The following E2F8 variants were observed in gnomAD, a reference collection of about 807,000 sequenced individuals.
The protein encoded by E2F8 is transcription factor E2F8.
E2F8 carries 35 observed loss-of-function variants against 80.8 expected under a neutral mutation model. That is an observed-to-expected ratio of 0.43 (90% confidence interval 0.33 to 0.57). E2F8 has a LOEUF of 0.57. E2F8 is among the 20% of genes least tolerant of loss of function. E2F8 has a pLI of 0.04. For missense variants in E2F8, 975 were observed against 1,056.2 expected (o/e 0.92, Z 1.07); for synonymous variants, 386 against 395.0 (o/e 0.98, Z 0.27).
Position 19,225,839 on chromosome 11 carries a change from A to G in E2F8, c.1919T>C (p.Ile640Thr). Residue 640 changes from isoleucine (I) to threonine (T), a missense_variant, in exon 11 of 13, where the codon ATC becomes ACC. Physicochemically the swap from Ile to Thr is moderately conservative, Grantham distance 89 (BLOSUM62 -1). Coordinates refer to ENST00000250024, the MANE Select transcript of E2F8 (RefSeq NM_024680.4). The stretch of plus-strand genomic sequence containing the variant: ...CAGGGATGAGCACTGCGTGAGAGGG[A>G]TTAGGTATCCTGATGGGAACAAGGT... ...SATLFPSGYL[I>T]PLTQCSSLGA... is the part of the protein sequence containing the mutation. 6.2e-7 allele frequency: 1 copy of G among 1,614,180 alleles called. No homozygotes were observed.
At chr11:19,230,076 C>T (rs1178180127) in intron 9 of E2F8, 88 bp from the exon 10 acceptor site, 3 of 1,554,270 alleles carry the variant, frequency 1.9e-6, no homozygotes, top group Non-Finnish European at 2.6e-6. Flanking sequence ...TGAAGCCACG[C>T]TTTTATGGAA....
chr11:19,241,320 GGCC>G (rs537182589), upstream of E2F8: 3,390 of 155,848 alleles, frequency 0.022, 106 homozygotes, highest in African/African-American at 0.074. This position sits in a 1 kb window ranked among gnomAD's most constrained non-coding sequence, Gnocchi z 4.5. Context: ...GGCGGGAAAC[GGCC>G]GCCGCCGCCG....
chr11:19,229,596 G>T lies in E2F8; in HGVS notation c.1751C>A (p.Pro584Gln), dbSNP rs1365291168. The stretch of plus-strand genomic sequence containing the variant: ...CTTTGCCCCTTGCCTCTCTGGTGCT[G>T]GCAGCAAGCTTCCAGGCCTGGTAGA... ...SASTRPGSLLPAPERQGAKSR... is the reference protein window; with the variant it reads ...SASTRPGSLLQAPERQGAKSR... The change falls in exon 10 of 13, where the codon CCA becomes CAA. Residue 584 changes from proline (P) to glutamine (Q), a missense_variant. Transcript: ENST00000250024. The surrounding 1 kb of genome is among the most constrained non-coding windows in gnomAD (Gnocchi z 4.3). 1 of 1,614,178 alleles carries T rather than the reference G, an allele frequency of 6.2e-7. No individual in the cohort carries two copies. Among genetic ancestry groups the T allele is most frequent in the East Asian group, 2.2e-5 (1 of 44,884 alleles).
intron 9 of E2F8, 33 bp from the exon 10 acceptor site, chr11:19,230,021 G>T: frequency 6.2e-7 from 1 of 1,609,562 alleles, no homozygotes; most frequent in South Asian, 1.1e-5. Context: ...CGACATGATG[G>T]ATATACATTT....
intron 10 of E2F8, among the ~76,000 whole-genome samples, chr11:19,227,022 T>A (rs1851253488): frequency 6.6e-6 from 1 of 152,188 alleles, no homozygotes; most frequent in East Asian, 1.9e-4. Flanking sequence ...CAGAAAAAGT[T>A]TACACGGGTG....
intron 10 of E2F8, among the ~76,000 whole-genome samples, chr11:19,227,635 C>T (rs903576451): frequency 6.6e-6 from 1 of 152,204 alleles, no homozygotes; most frequent in African/African-American, 2.4e-5. Flanking sequence ...ATCATGTCAT[C>T]TTCATTCCTA....
chr11:19,239,105 C>T (rs761410053), intron 2 of E2F8, among the ~76,000 whole-genome samples: 1 of 152,178 alleles, frequency 6.6e-6, no homozygotes, highest in South Asian at 2.1e-4. Flanking sequence ...AATAGGCAGA[C>T]CAAATAACTT....
chr11:19,230,285 A>G lies in E2F8; in HGVS notation c.1314T>C (p.Ala438=), dbSNP rs1467355214. The change falls in exon 9 of 13, where the codon GCT becomes GCC. Residue 438 remains alanine (A), a synonymous_variant. Coordinates refer to ENST00000250024, the MANE Select transcript of E2F8 (RefSeq NM_024680.4). The part of the protein sequence containing the change: ...QNSAPFPSKM[A]QLAAICKMQL... Reference sequence around the variant, plus strand: ...GCATTTTACAAATAGCTGCGAGCTGAGCCATTTTACTTGGGAAGGGTGCAG... The same window carrying G: ...GCATTTTACAAATAGCTGCGAGCTGGGCCATTTTACTTGGGAAGGGTGCAG... 6.2e-7 allele frequency: 1 copy of G among 1,613,988 alleles called. No homozygotes were observed. Among genetic ancestry groups the G allele is most frequent in the East Asian group, 2.2e-5 (1 of 44,898 alleles).
intron 9 of E2F8, 79 bp from the exon 10 acceptor site, chr11:19,230,067 G>A: frequency 3.2e-6 from 5 of 1,566,806 alleles, no homozygotes; most frequent in Non-Finnish European, 4.3e-6. Flanking sequence ...GCCTCATATT[G>A]AAGCCACGCT....
In E2F8 at chr11:19,229,489, T is replaced by TAAA; in HGVS notation, c.1855_1857dup (p.Phe619dup). 1 of 1,614,102 alleles carries TAAA rather than the reference T, an allele frequency of 6.2e-7. No homozygotes were observed. ...TTTTCAAGTCCTTTTAGGTCCTCTTTAAATTTCTTTTTGGAACCACTGTCC... is the reference window on the plus strand; with the variant it reads ...TTTTCAAGTCCTTTTAGGTCCTCTTTAAAAAATTTCTTTTTGGAACCACTGTCC... On this transcript the variant is annotated inframe_insertion, in exon 10 of 13. Coordinates refer to ENST00000250024, the MANE Select transcript of E2F8 (RefSeq NM_024680.4). The surrounding 1 kb of genome is among the most constrained non-coding windows in gnomAD (Gnocchi z 4.3).
rs147228502 is a variant in E2F8, at chr11:19,229,656, T to G, written c.1691A>C (p.Glu564Ala). Reference sequence around the variant, plus strand: ...CTTTGAGGTATCATTGGCTGCCTTCTCAGTGGTGGCATCTGTGGAGTCTTT... The same window carrying G: ...CTTTGAGGTATCATTGGCTGCCTTCGCAGTGGTGGCATCTGTGGAGTCTTT... ...GSKDSTDATT[E>A]KAANDTSKAS... Residue 564 changes from glutamate to alanine, a missense_variant, in exon 10 of 13, where the codon GAG becomes GCG. By Grantham distance (107) the Glu-to-Ala change is moderately radical (BLOSUM62 -1). Transcript: ENST00000250024. The surrounding 1 kb of genome is among the most constrained non-coding windows in gnomAD (Gnocchi z 4.3). 67 of 1,614,092 alleles carry G rather than the reference T, an allele frequency of 4.2e-5. No homozygotes were observed. The highest frequency in any genetic ancestry group is 5.3e-5 in the Non-Finnish European group (62 of 1,180,056).
Position 19,234,133 on chromosome 11 carries a change from C to G in E2F8, c.928+227G>C, listed in dbSNP as rs193204817. Among the ~76,000 whole-genome samples, 305 of 123,428 alleles carry G rather than the reference C, an allele frequency of 2.5e-3. 1 individual carries two copies. The highest frequency in any genetic ancestry group is 9.4e-3 in the African/African-American group (291 of 30,832). The allele number at this position is 123,428 out of a possible 152,430, so 81.0% of individuals were successfully genotyped here. ...ACTGCACTCCAGCCTAGCAAAAGAG[C>G]TAGACTCCGTCTAAAAAAAAAAAAA... On this transcript the variant is annotated intron_variant, in intron 6 of 12. Coordinates refer to ENST00000250024, the MANE Select transcript of E2F8 (RefSeq NM_024680.4).
rs181332472 is a variant in E2F8, at chr11:19,235,521, T to C, written c.452-463A>G. Among the ~76,000 whole-genome samples the C allele has an allele frequency of 7.0e-3, 1,063 of 151,908 alleles. 12 individuals are homozygous for C. Among genetic ancestry groups the C allele is most frequent in the African/African-American group, 0.024 (1,000 of 41,424 alleles). On this transcript the variant is annotated intron_variant, in intron 4 of 12. Transcript: ENST00000250024. ...AAAATTAGCCGGGTGTGGTGGCGGGTGCCTGTAGTCCCAGCTACTCAGGAG... is the reference window on the plus strand; with the variant it reads ...AAAATTAGCCGGGTGTGGTGGCGGGCGCCTGTAGTCCCAGCTACTCAGGAG...
chr11:19,225,670 TG>T, intron 11 of E2F8, 55 bp from the exon 12 acceptor site: 1 of 1,609,692 alleles, frequency 6.2e-7, no homozygotes, highest in Non-Finnish European at 8.5e-7. Context: ...TCCAAGAAGT[TG>T]ACAAGGCTTA....
At chr11:19,225,173 G>A in intron 12 of E2F8, 48 bp downstream of exon 12, 1 of 1,579,368 alleles carries the variant, frequency 6.3e-7, no homozygotes, top group Non-Finnish European at 8.6e-7. Flanking sequence ...CAGATACTTG[G>A]GGCTTAGTAA....
chr11:19,226,104 C>T (rs1851230465), intron 10 of E2F8: 1 of 506,330 alleles, frequency 2.0e-6, no homozygotes, highest in Non-Finnish European at 3.5e-6. Context: ...GGTCTTAGGA[C>T]ACCTTTGGAT....
chr11:19,227,473 T>A (rs1328494190), intron 10 of E2F8, among the ~76,000 whole-genome samples: 2 of 152,202 alleles, frequency 1.3e-5, no homozygotes, highest in Non-Finnish European at 2.9e-5. Context: ...AATTTTTAAA[T>A]TTCCAACAAA....
At chr11:19,235,721 CAA>C (rs1851502711) in intron 4 of E2F8, among the ~76,000 whole-genome samples, 2 of 151,934 alleles carry the variant, frequency 1.3e-5, no homozygotes, top group Admixed American at 1.3e-4. Context: ...TAGCTCACCC[CAA>C]AAGAGCTAGC....
At position 19,225,820 on chromosome 11, in the gene E2F8, T is replaced by A. The variant is rs1851222083; in HGVS notation, c.1938A>T (p.Ser646=). The part of the protein sequence containing the change: ...SGYLIPLTQC[S]SLGAESILSG... ...ACAAAATGGACTCTGCCCCCAGGGA[T>A]GAGCACTGCGTGAGAGGGATTAGGT... is the stretch of plus-strand genomic sequence containing the variant. The change falls in exon 11 of 13, where the codon TCA becomes TCT. Residue 646 remains serine, a synonymous_variant. Coordinates refer to ENST00000250024, the MANE Select transcript of E2F8 (RefSeq NM_024680.4). 1 of 1,614,132 alleles carries A rather than the reference T, an allele frequency of 6.2e-7. No homozygotes were observed.
Sources: gnomAD v4.1 joint callset for allele counts (sites outside exome capture counted in the v4.1 genomes callset) on GRCh38, gnomAD v4.1.1 for gene constraint, Gnocchi (gnomAD v3.1) non-coding constraint, MANE v1.5 for transcripts, NCBI Gene and HGNC (gene_info 2026-07-23, HGNC 2026-07-21) for gene names.